ORC2: variants seen among roughly 807,000 people sequenced by gnomAD.
ORC2 encodes origin recognition complex subunit 2.
A neutral mutation model predicts 77.7 loss-of-function variants in ORC2; 37 were observed. The observed-to-expected ratio is 0.48, with a 90% CI of 0.37 to 0.63. The LOEUF (loss-of-function observed/expected upper bound fraction) is 0.63. ORC2 is among the 20% of genes least tolerant of loss of function. ORC2 has a pLI of 0.00. For missense variants in ORC2, 557 were observed against 661.9 expected (o/e 0.84, Z 1.74); for synonymous variants, 201 against 229.5 (o/e 0.88, Z 1.12).
intron 13 of ORC2, chr2:200,921,392 T>G: frequency 4.2e-6 from 1 of 237,706 alleles, no homozygotes. Context: ...TGGACTCAAC[T>G]TGGCCTCCCA....
intron 15 of ORC2, among the ~76,000 whole-genome samples, chr2:200,918,740 C>T (rs777795188): frequency 9.2e-5 from 14 of 152,250 alleles, no homozygotes; most frequent in Admixed American, 4.6e-4. Flanking sequence ...CCACCCGCTT[C>T]GGCCTCCCAA....
chr2:200,925,188 T>C (rs910990655), intron 13 of ORC2, among the ~76,000 whole-genome samples: 1 of 152,070 alleles, frequency 6.6e-6, no homozygotes, highest in Non-Finnish European at 1.5e-5. Flanking sequence ...TTCGCTGGGC[T>C]TGGTGGTGCA....
intron 9 of ORC2, among the ~76,000 whole-genome samples, chr2:200,934,254 C>T (rs1356870863): frequency 6.6e-6 from 1 of 151,662 alleles, no homozygotes; most frequent in Non-Finnish European, 1.5e-5. Context: ...TCCATTTAGA[C>T]TAAAAAAAGA....
At chr2:200,926,988 TA>T in intron 11 of ORC2, 88 bp from the exon 12 acceptor site, 1 of 1,380,648 alleles carries the variant, frequency 7.2e-7, no homozygotes, top group Non-Finnish European at 1.0e-6. Context: ...AAATTCAGTT[TA>T]TAAAAAATAC....
At chr2:200,946,766 T>C (rs1458521131) in intron 5 of ORC2, among the ~76,000 whole-genome samples, 1 of 152,224 alleles carries the variant, frequency 6.6e-6, no homozygotes, top group Admixed American at 6.5e-5. Context: ...GTGGTATTTC[T>C]TTGTCCTGCA....
rs1024298735 is a variant in ORC2 at position 200,913,516 on chromosome 2, T to C, written c.1529-103A>G. On this transcript the variant is annotated intron_variant, in intron 16 of 17. Coordinates refer to ENST00000234296, the MANE Select transcript of ORC2 (RefSeq NM_006190.5). ...CAGAATAAAAGTGCTATTTGCATGT[T>C]ATCCCAGAGCAGTGAACAAGTATTG... is the stretch of plus-strand genomic sequence containing the variant. 6.3e-6 allele frequency: 9 copies of C among 1,420,558 alleles called. No individual in the cohort carries two copies. The African/African-American group carries it at 1.3e-4, about 20-fold the overall frequency. 88.0% of individuals were successfully genotyped at this position (1,420,558 alleles called of 1,614,324 possible). A position where few individuals can be genotyped will look rare whatever the true frequency, so the allele number is the denominator to read the frequency against.
intron 15 of ORC2, among the ~76,000 whole-genome samples, chr2:200,915,779 G>C (rs2124930825): frequency 6.6e-6 from 1 of 151,710 alleles, no homozygotes; most frequent in Non-Finnish European, 1.5e-5. Flanking sequence ...CTGCAACCTT[G>C]GCCTCCCAGG....
chr2:200,911,379 A>C lies in ORC2; in HGVS notation c.1656T>G (p.Asp552Glu). 1 of 1,581,694 alleles carries C rather than the reference A, an allele frequency of 6.3e-7. No homozygotes were observed. The highest frequency in any genetic ancestry group is 8.7e-7 in the Non-Finnish European group (1 of 1,150,696). Residue 552 changes from aspartate to glutamate, a missense_variant, in exon 18 of 18, where the codon GAT becomes GAG. Physicochemically the swap from Asp to Glu is conservative, Grantham distance 45 (BLOSUM62 2). Transcript: ENST00000234296. ...CAGGAATTAATAAATACTCTACTCCATCAGTTCCCTGAAAGATTTAAGAAT... is the reference window on the plus strand; with the variant it reads ...CAGGAATTAATAAATACTCTACTCCCTCAGTTCCCTGAAAGATTTAAGAAT... ...HKLIRTKKGT[D>E]GVEYLLIPVD...
chr2:200,932,127 A>T (rs2040951067), intron 10 of ORC2, among the ~76,000 whole-genome samples: 1 of 152,160 alleles, frequency 6.6e-6, no homozygotes, highest in Admixed American at 6.6e-5. Context: ...AGTCACAGTT[A>T]AAGCAAACAG....
intron 11 of ORC2, among the ~76,000 whole-genome samples, chr2:200,927,591 GA>G (rs2040862559): frequency 6.6e-6 from 1 of 150,490 alleles, no homozygotes; most frequent in Non-Finnish European, 1.5e-5. Context: ...TTGGGAGGCT[GA>G]GGCAGGAGAA....
chr2:200,942,937 T>A (rs2041182245), intron 5 of ORC2, among the ~76,000 whole-genome samples, 160 bp from the exon 6 acceptor site: 1 of 152,242 alleles, frequency 6.6e-6, no homozygotes, highest in South Asian at 2.1e-4. Flanking sequence ...TCACCTTTAT[T>A]AGCTGTCTTC....
intron 4 of ORC2, among the ~76,000 whole-genome samples, chr2:200,953,289 G>A (rs1269309803): frequency 6.6e-6 from 1 of 151,792 alleles, no homozygotes; most frequent in Non-Finnish European, 1.5e-5. Flanking sequence ...TTATATATTA[G>A]AATGCAATAC....
At chr2:200,941,107 A>T in intron 7 of ORC2, 141 bp downstream of exon 7, 1 of 547,398 alleles carries the variant, frequency 1.8e-6, no homozygotes, top group Non-Finnish European at 3.2e-6. Flanking sequence ...CCTATAAGTT[A>T]GGTATTTAAC....
At chr2:200,915,783 T>C (rs1182053861) in intron 15 of ORC2, among the ~76,000 whole-genome samples, 1 of 152,112 alleles carries the variant, frequency 6.6e-6, no homozygotes, top group Non-Finnish European at 1.5e-5. Context: ...AACCTTGGCC[T>C]CCCAGGTTCA....
At chr2:200,924,994 A>G (rs973915785) in intron 13 of ORC2, among the ~76,000 whole-genome samples, 9 of 152,178 alleles carry the variant, frequency 5.9e-5, no homozygotes, top group African/African-American at 2.2e-4. Flanking sequence ...TCCTGACCTC[A>G]GGTGACCCAC....
rs16836097 is a variant in ORC2 at position 200,940,933 on chromosome 2, G to C, written c.453+315C>G. 6.3e-3 allele frequency among the ~76,000 whole-genome samples: 965 copies of C among 152,226 alleles called. 6 individuals carry two copies. The highest frequency in any genetic ancestry group is 0.027 in the Middle Eastern group (8 of 294). On this transcript the variant is annotated intron_variant, in intron 7 of 17. Coordinates refer to ENST00000234296, the MANE Select transcript of ORC2 (RefSeq NM_006190.5). ...TCCCCCTGCAAAAGAAACAGAACATGATACATAAAAGCAAAACCCCAAACA... is the reference window on the plus strand; with the variant it reads ...TCCCCCTGCAAAAGAAACAGAACATCATACATAAAAGCAAAACCCCAAACA...
intron 15 of ORC2, among the ~76,000 whole-genome samples, chr2:200,916,896 A>G (rs1050817391): frequency 2.7e-5 from 4 of 150,744 alleles, no homozygotes; most frequent in African/African-American, 9.8e-5. Flanking sequence ...GGATTTCACC[A>G]TGTTAGCCAG....
At chr2:200,952,928 A>C (rs2041389427) in intron 4 of ORC2, among the ~76,000 whole-genome samples, 1 of 151,826 alleles carries the variant, frequency 6.6e-6, no homozygotes, top group Non-Finnish European at 1.5e-5. Context: ...CCTGGTCAAC[A>C]TGGTGAGACT....
intron 13 of ORC2, among the ~76,000 whole-genome samples, chr2:200,924,381 C>T (rs2040809271): frequency 6.6e-6 from 1 of 151,668 alleles, no homozygotes; most frequent in African/African-American, 2.4e-5. Flanking sequence ...CTATAAAGAA[C>T]TGTGGATAAA....
Sources: gnomAD v4.1 joint callset for allele counts (sites outside exome capture counted in the v4.1 genomes callset) on GRCh38, gnomAD v4.1.1 for gene constraint, MANE v1.5 for transcripts, NCBI Gene and HGNC (gene_info 2026-07-23, HGNC 2026-07-21) for gene names.